The following ARSG variants were observed in gnomAD, a reference collection of about 807,000 sequenced individuals.
ARSG encodes arylsulfatase G, also known as ASG.
A neutral mutation model predicts 50.5 loss-of-function variants in ARSG; 37 were observed. That is an observed-to-expected ratio of 0.73 (90% CI 0.56 to 0.96). The LOEUF (loss-of-function observed/expected upper bound fraction) is 0.96, where lower values mean the gene tolerates loss of function less well. Ranked by LOEUF, ARSG falls within the 50% of genes least tolerant of loss-of-function variation. The pLI, the probability that ARSG is intolerant of heterozygous loss-of-function variation, is 0.00. For missense variants in ARSG, 629 were observed against 675.3 expected, an observed-to-expected ratio of 0.93 and a Z score of 0.76; for synonymous variants, 225 against 254.6, an observed-to-expected ratio of 0.88 and a Z score of 1.11.
At chr17:68,372,940 G>A (rs2079935081) in intron 8 of ARSG, among the ~76,000 whole-genome samples, 1 of 141,648 alleles carries the variant, frequency 7.1e-6, no homozygotes, top group Non-Finnish European at 1.5e-5. Context: ...CACCCAGGCT[G>A]GAGTGCAGTG....
intron 2 of ARSG, among the ~76,000 whole-genome samples, chr17:68,340,973 C>A (rs758407219): frequency 4.6e-5 from 7 of 152,132 alleles, no homozygotes; most frequent in Non-Finnish European, 1.0e-4. Context: ...CTGGAAATCT[C>A]GGTTCCTGAT....
At chr17:68,375,630 G>A (rs1050278518) in intron 8 of ARSG, among the ~76,000 whole-genome samples, 3 of 152,176 alleles carry the variant, frequency 2.0e-5, no homozygotes, top group South Asian at 2.1e-4. Context: ...GCCATATGTG[G>A]CTAGTGGCTA....
chr17:68,426,254 G>GGGGGGGGA, downstream of ARSG: 1 of 816,924 alleles, frequency 1.2e-6, no homozygotes, highest in Non-Finnish European at 1.9e-6. Flanking sequence ...GGGAGCGGGG[G>GGGGGGGGA]CTCAAATAAA....
chr17:68,283,878 C>CG (rs2075777540), intron 1 of ARSG, among the ~76,000 whole-genome samples: 1 of 55,432 alleles, frequency 1.8e-5, no homozygotes, highest in African/African-American at 7.2e-5. Flanking sequence ...AACTCCGTCT[C>CG]AAAAAAAAAA....
At chr17:68,333,655 T>G (rs2077884735) in intron 2 of ARSG, among the ~76,000 whole-genome samples, 2 of 148,442 alleles carry the variant, frequency 1.3e-5, no homozygotes, top group East Asian at 3.9e-4. Flanking sequence ...ATAATAATAA[T>G]AATAATAATA....
chr17:68,433,321 C>T, the ARSG span: 4 of 751,272 alleles, frequency 5.3e-6, no homozygotes, highest in East Asian at 2.7e-5. Flanking sequence ...CAAAGTTTTG[C>T]TAACACACAC....
intron 6 of ARSG, among the ~76,000 whole-genome samples, chr17:68,358,679 A>T (rs1041165050): frequency 1.3e-5 from 2 of 150,764 alleles, no homozygotes; most frequent in African/African-American, 4.9e-5. Context: ...ACAGAGCAAG[A>T]CTCTGTCTCA....
intron 1 of ARSG, among the ~76,000 whole-genome samples, chr17:68,283,345 C>A (rs1555753437): frequency 6.6e-6 from 1 of 151,412 alleles, no homozygotes; most frequent in Non-Finnish European, 1.5e-5. Context: ...ACGATGAAAC[C>A]CCGTCTCTAC....
At chr17:68,445,623 T>C in the ARSG span, among the ~76,000 whole-genome samples, 1 of 152,214 alleles carries the variant, frequency 6.6e-6, no homozygotes, top group African/African-American at 2.4e-5. Context: ...ACATGAAAGC[T>C]TGTCAGGTTC....
At chr17:68,335,059 C>G (rs935137752) in intron 2 of ARSG, among the ~76,000 whole-genome samples, 1 of 152,006 alleles carries the variant, frequency 6.6e-6, no homozygotes, top group Non-Finnish European at 1.5e-5. Flanking sequence ...TGCAGTGGTG[C>G]GATCATGATT....
At chr17:68,340,158 G>A (rs556277437) in intron 2 of ARSG, among the ~76,000 whole-genome samples, 4 of 152,122 alleles carry the variant, frequency 2.6e-5, no homozygotes, top group Non-Finnish European at 5.9e-5. Context: ...GTTTAATTAC[G>A]AATTTTTAGG....
At chr17:68,395,367 C>G in intron 10 of ARSG, among the ~76,000 whole-genome samples, 174 bp downstream of exon 10, 1 of 152,230 alleles carries the variant, frequency 6.6e-6, no homozygotes, top group East Asian at 1.9e-4. Flanking sequence ...GCGGGCTGAT[C>G]ACTTGAGGTC....
chr17:68,288,769 C>T (rs1225085412), upstream of ARSG, among the ~76,000 whole-genome samples: 1 of 152,170 alleles, frequency 6.6e-6, no homozygotes, highest in African/African-American at 2.4e-5. Context: ...CTTCTTAAAG[C>T]TCTTAGGCCA....
At chr17:68,331,823 G>GC (rs1297111932) in intron 2 of ARSG, among the ~76,000 whole-genome samples, 4 of 152,154 alleles carry the variant, frequency 2.6e-5, no homozygotes, top group African/African-American at 9.7e-5. Flanking sequence ...GTTCCGTGAT[G>GC]CCCCCAAGCC....
chr17:68,293,006 A>G (rs1232831889), intron 1 of ARSG, among the ~76,000 whole-genome samples: 2 of 152,222 alleles, frequency 1.3e-5, no homozygotes, highest in African/African-American at 4.8e-5. Flanking sequence ...GGCATTTGGT[A>G]AGGCCTCAGT....
At chr17:68,337,604 TC>T in intron 2 of ARSG, among the ~76,000 whole-genome samples, 1 of 10,244 alleles carries the variant, frequency 9.8e-5, no homozygotes, top group South Asian at 5.3e-3. Flanking sequence ...CAGAAACGCT[TC>T]TATTTATTTA....
At chr17:68,277,883 C>A (rs1555751499) in intron 1 of ARSG, among the ~76,000 whole-genome samples, 2 of 152,158 alleles carry the variant, frequency 1.3e-5, no homozygotes, top group African/African-American at 4.8e-5. Flanking sequence ...GCTGTCATGG[C>A]TGGCAAATAA....
intron 10 of ARSG, among the ~76,000 whole-genome samples, chr17:68,396,674 C>T (rs1346248465): frequency 1.3e-5 from 2 of 152,098 alleles, no homozygotes; most frequent in African/African-American, 4.8e-5. Flanking sequence ...TGGTAGTTAC[C>T]AAAGCTGCCC....
At chr17:68,329,420 A>T (rs1293820756) in intron 2 of ARSG, among the ~76,000 whole-genome samples, 1 of 152,122 alleles carries the variant, frequency 6.6e-6, no homozygotes, top group Admixed American at 6.5e-5. Flanking sequence ...CTGGCAGTGG[A>T]GGGCTGTCTC....
Sources: allele counts gnomAD v4.1 joint callset (sites outside exome capture counted in the v4.1 genomes callset), GRCh38; gene constraint gnomAD v4.1.1; transcripts MANE v1.5; gene names NCBI Gene and HGNC (gene_info 2026-07-23, HGNC 2026-07-21).